The following MTUS1 variants were observed in gnomAD, a reference collection of about 807,000 sequenced individuals.
MTUS1 encodes microtubule-associated tumor suppressor 1.
A neutral mutation model predicts 120.8 loss-of-function variants in MTUS1; 109 were observed. That is an observed-to-expected ratio of 0.90 (90% confidence interval 0.77 to 1.06). The LOEUF is 1.06. MTUS1 is among the 50% of genes least tolerant of loss of function. The probability of loss-of-function intolerance (pLI) is 0.00; values close to 1 mark genes in which losing one functional copy is unlikely to be tolerated. For missense variants in MTUS1, 2,210 were observed against 1,486.3 expected, an observed-to-expected ratio of 1.49 and a Z score of -8.01; for synonymous variants, 737 against 550.5, an observed-to-expected ratio of 1.34 and a Z score of -4.74.
chr8:17,739,121 C>G (rs138700119), intron 3 of MTUS1, among the ~76,000 whole-genome samples: 1 of 151,902 alleles, frequency 6.6e-6, no homozygotes, highest in East Asian at 1.9e-4. Context: ...CCGGCCTGGA[C>G]GACAGAGTGA....
At chr8:17,798,717 A>C (rs1039847205) in intron 1 of MTUS1, among the ~76,000 whole-genome samples, 6 of 152,264 alleles carry the variant, frequency 3.9e-5, no homozygotes, top group Admixed American at 1.3e-4. Context: ...GTTTTGAGAA[A>C]GTCAACAGAT....
At chr8:17,723,958 A>G (rs1202102473) in intron 3 of MTUS1, 125 bp from the exon 4 acceptor site, 1 of 727,962 alleles carries the variant, frequency 1.4e-6, no homozygotes, top group Non-Finnish European at 2.3e-6. Flanking sequence ...AATGTTCACA[A>G]TCATGTAACT....
chr8:17,688,447 C>A (rs7459863), intron 6 of MTUS1, among the ~76,000 whole-genome samples: 81,417 of 152,168 alleles, frequency 0.54, 22,791 homozygotes, highest in East Asian at 0.93. Context: ...GATGGTAAGT[C>A]CTTTCTACAA....
chr8:17,665,709 A>G (rs753897578), intron 8 of MTUS1, among the ~76,000 whole-genome samples: 10 of 152,182 alleles, frequency 6.6e-5, no homozygotes, highest in Non-Finnish European at 1.0e-4. Flanking sequence ...ACCCAGCGGG[A>G]TCTGACTGGC....
intron 6 of MTUS1, among the ~76,000 whole-genome samples, chr8:17,689,001 C>T (rs187822345): frequency 5.9e-5 from 9 of 152,044 alleles, no homozygotes; most frequent in Non-Finnish European, 8.8e-5. Flanking sequence ...CACAAAGTCA[C>T]GTGATTGAGA....
intron 1 of MTUS1, among the ~76,000 whole-genome samples, chr8:17,757,927 G>C (rs1017929460): frequency 1.3e-5 from 2 of 152,186 alleles, no homozygotes; most frequent in Admixed American, 6.5e-5. Context: ...AGGTCATTGT[G>C]AATCCTAAAA....
chr8:17,684,229 C>T, intron 7 of MTUS1, 99 bp downstream of exon 7: 1 of 830,862 alleles, frequency 1.2e-6, no homozygotes, highest in South Asian at 1.5e-5. Flanking sequence ...TCTTTCCCAT[C>T]ATTTACCTAG....
In MTUS1 at chr8:17,645,116, C is replaced by CTGAGAAAATGAATTACAGGATAG. The variant is rs1805531138; in HGVS notation, c.*787_*809dup. The CTGAGAAAATGAATTACAGGATAG allele has an allele frequency of 6.6e-6, 1 of 152,366 alleles. No individual in the cohort carries two copies. Among genetic ancestry groups the CTGAGAAAATGAATTACAGGATAG allele is most frequent in the African/African-American group, 2.4e-5 (1 of 41,330 alleles). The allele number at this position is 152,366 out of a possible 1,614,324, so 9.4% of individuals were successfully genotyped here. ...TTAGGGTTCTACATTTACACATAGCCTGAGAAAATGAATTACAGGATAGTG... is the reference window on the plus strand; with the variant it reads ...TTAGGGTTCTACATTTACACATAGCCTGAGAAAATGAATTACAGGATAGTGAGAAAATGAATTACAGGATAGTG... On this transcript the variant is annotated 3_prime_UTR_variant, in exon 15 of 15. Transcript: ENST00000693296.
At chr8:17,661,644 CAA>C (rs761888081) in intron 8 of MTUS1, among the ~76,000 whole-genome samples, 10 of 137,712 alleles carry the variant, frequency 7.3e-5, no homozygotes, top group Admixed American at 3.6e-4. Flanking sequence ...CTCTATTCAC[CAA>C]AAAAAAAAAA....
rs960915739 is a variant in MTUS1 at position 17,646,193 on chromosome 8, G to A, written c.3600-54C>T. ...ATCTATGTAAAAAAAAAAAAAACTTGAAAAATTTTTCTTAGCGTTTGAAAC... is the reference window on the plus strand; with the variant it reads ...ATCTATGTAAAAAAAAAAAAAACTTAAAAAATTTTTCTTAGCGTTTGAAAC... On this transcript the variant is annotated intron_variant, in intron 14 of 14. Transcript: ENST00000693296. The A allele has an allele frequency of 2.1e-6, 3 of 1,439,634 alleles. No homozygotes were observed. The Admixed American group carries it at 7.8e-5, about 37-fold the overall frequency. 89.2% of individuals were successfully genotyped at this position (1,439,634 alleles called of 1,614,324 possible). A position where few individuals can be genotyped will look rare whatever the true frequency, so the allele number is the denominator to read the frequency against.
At chr8:17,685,940 T>C (rs1815698685) in intron 6 of MTUS1, among the ~76,000 whole-genome samples, 1 of 152,218 alleles carries the variant, frequency 6.6e-6, no homozygotes, top group Admixed American at 6.5e-5. Flanking sequence ...ATCGTAATAT[T>C]ACAGCCCTGA....
At chr8:17,740,332 C>G (rs554237431) in intron 3 of MTUS1, among the ~76,000 whole-genome samples, 25 of 152,326 alleles carry the variant, frequency 1.6e-4, no homozygotes, top group African/African-American at 5.5e-4. Flanking sequence ...TGGTTTTCTA[C>G]TTAAGTGTTC....
chr8:17,775,926 GGCC>G (rs1379504349), intron 1 of MTUS1, among the ~76,000 whole-genome samples: 1 of 152,134 alleles, frequency 6.6e-6, no homozygotes, highest in East Asian at 1.9e-4. Context: ...GTTCCTACTG[GGCC>G]GCCAAGCCAT....
At chr8:17,789,967 C>A (rs561020368) in intron 1 of MTUS1, among the ~76,000 whole-genome samples, 1 of 152,282 alleles carries the variant, frequency 6.6e-6, no homozygotes, top group African/African-American at 2.4e-5. Flanking sequence ...ACTTCAGTTT[C>A]CATCTGGGAT....
chr8:17,707,150 C>T lies in MTUS1; in HGVS notation c.2623+6064G>A, dbSNP rs566344743. Among the ~76,000 whole-genome samples, 21 of 152,206 alleles carry T rather than the reference C, an allele frequency of 1.4e-4. 2 individuals carry two copies. The South Asian group carries it at 4.4e-3, about 32-fold the overall frequency. ...GTATCAGCTAAAATATGACTCATTT[C>T]CAGCAGAATATGAAAAAAGTCAAGG... On this transcript the variant is annotated intron_variant, in intron 6 of 14. Transcript: ENST00000693296.
intron 2 of MTUS1, among the ~76,000 whole-genome samples, chr8:17,746,345 G>C (rs1386902965): frequency 2.0e-5 from 3 of 152,032 alleles, no homozygotes; most frequent in African/African-American, 7.3e-5. Context: ...CATCCTTCAA[G>C]CACCTCTACG....
rs544321908 is a variant in MTUS1 at position 17,674,342 on chromosome 8, C to A, written c.2905+844G>T. 14 of 397,532 alleles carry A rather than the reference C, an allele frequency of 3.5e-5. No individual in the cohort carries two copies. The Admixed American group carries it at 5.1e-4, about 15-fold the overall frequency. The allele number at this position is 397,532 out of a possible 1,614,324, so 24.6% of individuals were successfully genotyped here. On this transcript the variant is annotated intron_variant, in intron 8 of 14. Transcript: ENST00000693296. ...GGCTGAGGCAGGAGAATTGCTTGAA[C>A]CCGGGAGGCGGAGGTTGCAGTGAGT...
intron 6 of MTUS1, chr8:17,692,154 C>G (rs1268545266): frequency 6.6e-6 from 1 of 152,210 alleles, no homozygotes; most frequent in African/African-American, 2.4e-5. Flanking sequence ...GTTCTGCCTT[C>G]TCTGTGGCAG....
At chr8:17,650,239 C>T (rs1187431242) in intron 12 of MTUS1, among the ~76,000 whole-genome samples, 1 of 152,116 alleles carries the variant, frequency 6.6e-6, no homozygotes, top group Non-Finnish European at 1.5e-5. Context: ...AAAAACTTTG[C>T]TTACATACAA....
Sources: gnomAD v4.1 joint callset for allele counts (sites outside exome capture counted in the v4.1 genomes callset) on GRCh38, gnomAD v4.1.1 for gene constraint, MANE v1.5 for transcripts, NCBI Gene and HGNC (gene_info 2026-07-23, HGNC 2026-07-21) for gene names.